Variants in NTM observed in about 807,000 individuals in gnomAD.
The protein encoded by NTM is neurotrimin, also known as IgLON family member 2.
Under a neutral mutation model 42.1 loss-of-function variants are expected in NTM, and 13 were observed. The observed-to-expected ratio is 0.31, with a 90% CI of 0.20 to 0.49. The LOEUF is 0.49. Ranked by LOEUF, NTM falls within the 20% of genes least tolerant of loss-of-function variation. NTM has a pLI of 0.99. For synonymous variants in NTM, 187 were observed against 179.2 expected (o/e 1.04, Z -0.35); for missense variants, 373 against 452.8 (o/e 0.82, Z 1.60).
rs79081457 is a variant in NTM, at chr11:131,970,154, T to A, written c.167+58506T>A. 9.1e-3 allele frequency among the ~76,000 whole-genome samples: 1,386 copies of A among 152,306 alleles called. 23 individuals are homozygous for A. Among genetic ancestry groups the A allele is most frequent in the African/African-American group, 0.031 (1,279 of 41,570 alleles). On this transcript the variant is annotated intron_variant, in intron 2 of 8. Coordinates refer to ENST00000683400, the MANE Select transcript of NTM (RefSeq NM_001352005.2). ...CAATGAAAGCAATGCAATTAGAAACTTCACCTGCACCCTGTCACAACCAAA... is the reference window on the plus strand; with the variant it reads ...CAATGAAAGCAATGCAATTAGAAACATCACCTGCACCCTGTCACAACCAAA...
At chr11:132,215,922 C>T (rs1024389222) in intron 4 of NTM, among the ~76,000 whole-genome samples, 5 of 152,314 alleles carry the variant, frequency 3.3e-5, no homozygotes, top group African/African-American at 4.8e-5. Flanking sequence ...GACCCCAAGC[C>T]GGAGTCCTTC....
intron 3 of NTM, among the ~76,000 whole-genome samples, chr11:132,207,585 A>G (rs1005844706): frequency 6.6e-6 from 1 of 152,194 alleles, no homozygotes; most frequent in Non-Finnish European, 1.5e-5. Flanking sequence ...TCCCCAGTTC[A>G]TGGAAAAAAT....
chr11:131,646,451 A>G (rs2065784025), intron 1 of NTM, among the ~76,000 whole-genome samples: 1 of 152,190 alleles, frequency 6.6e-6, no homozygotes, highest in Admixed American at 6.5e-5. Context: ...CTCTTCTACT[A>G]GTATCAGTTT....
chr11:131,736,229 A>G (rs989603289), intron 1 of NTM, among the ~76,000 whole-genome samples: 2 of 152,160 alleles, frequency 1.3e-5, no homozygotes, highest in Non-Finnish European at 2.9e-5. Context: ...TTCTACAGCT[A>G]GTACTAGAAT....
At chr11:132,219,352 G>A (rs2084621283) in intron 4 of NTM, among the ~76,000 whole-genome samples, 1 of 152,088 alleles carries the variant, frequency 6.6e-6, no homozygotes, top group African/African-American at 2.4e-5. Flanking sequence ...AGGGATCATG[G>A]CAGCCAGGAA....
chr11:131,733,468 TTCCTTCC>T (rs2079967958), intron 1 of NTM, among the ~76,000 whole-genome samples: 1 of 51,154 alleles, frequency 2.0e-5, no homozygotes, highest in African/African-American at 6.9e-5. Flanking sequence ...CCTTCTTTCC[TTCCTTCC>T]TTCCTTCCTT....
At chr11:131,651,964 A>G (rs1240187975) in intron 1 of NTM, among the ~76,000 whole-genome samples, 1 of 152,116 alleles carries the variant, frequency 6.6e-6, no homozygotes, top group Non-Finnish European at 1.5e-5. Context: ...AGATAGATAC[A>G]GGCCCAAACA....
intron 1 of NTM, among the ~76,000 whole-genome samples, chr11:131,752,638 C>A (rs1488738132): frequency 1.3e-5 from 2 of 152,094 alleles, no homozygotes; most frequent in African/African-American, 2.4e-5. Flanking sequence ...TGGAACCAAC[C>A]CAAATGTCCA....
intron 1 of NTM, among the ~76,000 whole-genome samples, chr11:131,601,896 T>A (rs2060517146): frequency 6.6e-6 from 1 of 152,128 alleles, no homozygotes; most frequent in African/African-American, 2.4e-5. Flanking sequence ...TGAATATGGA[T>A]CATGAGCAAG....
At chr11:132,161,370 CTTTTTTTTTTTTT>C (rs55732584) in intron 3 of NTM, among the ~76,000 whole-genome samples, 4 of 64,062 alleles carry the variant, frequency 6.2e-5, no homozygotes, top group African/African-American at 2.8e-4. Context: ...TTTCGAGCAG[CTTTTTTTTTTTTT>C]TTTTTTTTTT....
At chr11:131,505,811 G>A (rs1342242275) in intron 1 of NTM, among the ~76,000 whole-genome samples, 1 of 152,216 alleles carries the variant, frequency 6.6e-6, no homozygotes, top group Non-Finnish European at 1.5e-5. Flanking sequence ...CCAGAAGGAA[G>A]TGCAGCAGCA....
intron 1 of NTM, among the ~76,000 whole-genome samples, chr11:131,434,654 A>C (rs1016120086): frequency 3.9e-5 from 6 of 151,952 alleles, no homozygotes; most frequent in Non-Finnish European, 8.8e-5. Flanking sequence ...TTTTCTTGTA[A>C]ATTTGTTTAA....
At position 132,314,593 on chromosome 11, in the gene NTM, C is replaced by A. The variant is rs760435989; in HGVS notation, c.824C>A (p.Pro275His). The change falls in exon 7 of 9, where the codon CCT becomes CAT. Residue 275 changes from proline to histidine, a missense_variant. This residue lies in a region of NTM where 312 missense variants were observed against 353.5 expected (regional missense o/e 0.88). Transcript: ENST00000683400. ...GKKGVKVENR[P>H]FLSKLIFFNV... ...AAAGGGGTGAAAGTGGAAAACAGAC[C>A]TTTCCTCTCAAAACTCATCTTCTTC... The A allele has an allele frequency of 6.2e-7, 1 of 1,613,540 alleles. No homozygotes were observed. The highest frequency in any genetic ancestry group is 8.5e-7 in the Non-Finnish European group (1 of 1,179,714).
intron 1 of NTM, among the ~76,000 whole-genome samples, chr11:131,417,504 G>T (rs534978524): frequency 6.6e-6 from 1 of 152,158 alleles, no homozygotes; most frequent in Non-Finnish European, 1.5e-5. Context: ...ATAGGGAAGG[G>T]TCTAGCCCTT....
chr11:131,802,741 C>T (rs1046695639), intron 1 of NTM, among the ~76,000 whole-genome samples: 4 of 152,164 alleles, frequency 2.6e-5, no homozygotes, highest in East Asian at 3.9e-4. Flanking sequence ...CACTGCACTC[C>T]GTATGGCTAA....
chr11:131,669,613 G>A lies in NTM; in HGVS notation c.83-241951G>A, dbSNP rs145994283. ...GTCACTCAGCAATTCAGCGGTGGGG[G>A]CACCGAGGCTTCCGGCTCCAGGCTC... On this transcript the variant is annotated intron_variant, in intron 1 of 8. Coordinates refer to ENST00000683400, the MANE Select transcript of NTM (RefSeq NM_001352005.2). Among the ~76,000 whole-genome samples the A allele has an allele frequency of 3.4e-3, 513 of 152,170 alleles. 5 individuals carry two copies. The highest frequency in any genetic ancestry group is 0.011 in the African/African-American group (474 of 41,534).
chr11:131,755,307 T>C (rs1284387556), intron 1 of NTM, among the ~76,000 whole-genome samples: 1 of 152,192 alleles, frequency 6.6e-6, no homozygotes, highest in Non-Finnish European at 1.5e-5. Context: ...ACTCTTGGCC[T>C]AGCAGGAATC....
chr11:131,480,131 CT>C (rs55747636), intron 1 of NTM, among the ~76,000 whole-genome samples: 1,499 of 134,416 alleles, frequency 0.011, 13 homozygotes, highest in African/African-American at 0.028. Context: ...ATCTTGATTA[CT>C]TTTTTTTTTT....
At chr11:131,632,775 C>T (rs1032554678) in intron 1 of NTM, among the ~76,000 whole-genome samples, 37 of 148,832 alleles carry the variant, frequency 2.5e-4, no homozygotes, top group Non-Finnish European at 5.5e-4. Context: ...CCCGGGTTCA[C>T]GCCATTCTCC....
Sources: allele counts gnomAD v4.1 joint callset (sites outside exome capture counted in the v4.1 genomes callset), GRCh38; gene constraint gnomAD v4.1.1; regional missense constraint gnomAD v4.1.1; transcripts MANE v1.5; gene names NCBI Gene and HGNC (gene_info 2026-07-23, HGNC 2026-07-21).